The following CIPC variants were observed in gnomAD, a reference collection of about 807,000 sequenced individuals.
The protein encoded by CIPC is CLOCK-interacting pacemaker.
Under a neutral mutation model 26.7 loss-of-function variants are expected in CIPC, and 12 were observed. The observed-to-expected ratio is 0.45, with a 90% CI of 0.29 to 0.73. The LOEUF is 0.73. CIPC is among the 30% of genes least tolerant of loss of function. The pLI, the probability that CIPC is intolerant of heterozygous loss-of-function variation, is 0.12. For synonymous variants in CIPC, 170 were observed against 189.8 expected, an observed-to-expected ratio of 0.90 and a Z score of 0.86; for missense variants, 417 against 486.5, an observed-to-expected ratio of 0.86 and a Z score of 1.34.
intron 1 of CIPC, among the ~76,000 whole-genome samples, chr14:77,103,431 A>G (rs2140026925): frequency 6.6e-6 from 1 of 152,314 alleles, no homozygotes; most frequent in South Asian, 2.1e-4. Flanking sequence ...GAACAACAGG[A>G]TAGAGTCAGG....
intron 1 of CIPC, among the ~76,000 whole-genome samples, chr14:77,105,233 G>C (rs905943726): frequency 2.6e-5 from 4 of 152,174 alleles, no homozygotes; most frequent in Admixed American, 2.6e-4. Flanking sequence ...AAGCCTTGCG[G>C]TGTCTCTTTT....
chr14:77,098,687 T>A (rs928720897), intron 1 of CIPC: 1 of 151,856 alleles, frequency 6.6e-6, no homozygotes. Flanking sequence ...GAGCTTGGAG[T>A]CCAGCCCGGC....
In CIPC at chr14:77,115,651, ATTATC is replaced by A. The variant is rs543309118; in HGVS notation, c.*1337_*1341del. On this transcript the variant is annotated 3_prime_UTR_variant, in exon 4 of 4. Coordinates refer to ENST00000361786, the MANE Select transcript of CIPC (RefSeq NM_033426.3). ...CTTGAAAATCTTTGTTCTTTACAAA[ATTATC>A]TTAATAAGTTCTATATGGTCAGCTT... The A allele has an allele frequency of 3.3e-5, 5 of 150,852 alleles. No individual in the cohort carries two copies. The South Asian group carries it at 8.4e-4, about 25-fold the overall frequency. 9.3% of individuals were successfully genotyped at this position (150,852 alleles called of 1,614,324 possible). A position where few individuals can be genotyped will look rare whatever the true frequency, so the allele number is the denominator to read the frequency against.
rs915393245 is a variant in CIPC at position 77,116,180 on chromosome 14, A to T, written c.*1862A>T. 2.6e-4 allele frequency: 40 copies of T among 152,228 alleles called. No homozygotes were observed. The highest frequency in any genetic ancestry group is 9.4e-4 in the African/African-American group (39 of 41,460). 9.4% of individuals were successfully genotyped at this position (152,228 alleles called of 1,614,324 possible). A position where few individuals can be genotyped will look rare whatever the true frequency, so the allele number is the denominator to read the frequency against. On this transcript the variant is annotated 3_prime_UTR_variant, in exon 4 of 4. Coordinates refer to ENST00000361786, the MANE Select transcript of CIPC (RefSeq NM_033426.3). ...TTGGTAACATCCCTAGACTCCACTC[A>T]TGAACGCAGAATTATTACCTGCTGT... is the stretch of plus-strand genomic sequence containing the variant.
chr14:77,108,353 A>G (rs1184997297), intron 2 of CIPC, among the ~76,000 whole-genome samples: 3 of 152,204 alleles, frequency 2.0e-5, no homozygotes, highest in Admixed American at 2.0e-4. Context: ...CAGAGTTAGC[A>G]TCCATTGATG....
rs1594824122 is a variant in CIPC at position 77,115,872 on chromosome 14, A to C, written c.*1554A>C. The C allele has an allele frequency of 6.6e-6, 1 of 151,900 alleles. No homozygotes were observed. Among genetic ancestry groups the C allele is most frequent in the Non-Finnish European group, 1.5e-5 (1 of 67,922 alleles). The allele number at this position is 151,900 out of a possible 1,614,324, so 9.4% of individuals were successfully genotyped here. On this transcript the variant is annotated 3_prime_UTR_variant, in exon 4 of 4. Coordinates refer to ENST00000361786, the MANE Select transcript of CIPC (RefSeq NM_033426.3). Reference sequence around the variant, plus strand: ...AGCTAATTTTTGTATTTTTAGTAGAAATGGGGTTTTACCGTGTTGGCCAGG... The same window carrying C: ...AGCTAATTTTTGTATTTTTAGTAGACATGGGGTTTTACCGTGTTGGCCAGG...
At chr14:77,107,311 G>A (rs1886609200) in intron 2 of CIPC, among the ~76,000 whole-genome samples, 1 of 152,154 alleles carries the variant, frequency 6.6e-6, no homozygotes, top group African/African-American at 2.4e-5. Flanking sequence ...TGTCAGGCCA[G>A]TTGTTTTAAG....
chr14:77,099,620 T>G (rs988307313), intron 1 of CIPC, among the ~76,000 whole-genome samples: 3 of 152,268 alleles, frequency 2.0e-5, no homozygotes, highest in African/African-American at 7.2e-5. Flanking sequence ...CTCACACTTC[T>G]GTCCAGGCAC....
Position 77,114,401 on chromosome 14 carries a change from A to G in CIPC, c.*83A>G, listed in dbSNP as rs1886768144. 5.0e-6 allele frequency: 7 copies of G among 1,399,184 alleles called. No individual in the cohort carries two copies. In the South Asian group the frequency reaches 9.8e-5, roughly 20 times the overall value. 86.7% of individuals were successfully genotyped at this position (1,399,184 alleles called of 1,614,324 possible). A position where few individuals can be genotyped will look rare whatever the true frequency, so the allele number is the denominator to read the frequency against. ...TACTCCTGTTTCCCAAAGCTTATGTAAGAGCTTTTCCTTCTAAACTTAAAC... is the reference window on the plus strand; with the variant it reads ...TACTCCTGTTTCCCAAAGCTTATGTGAGAGCTTTTCCTTCTAAACTTAAAC... On this transcript the variant is annotated 3_prime_UTR_variant, in exon 4 of 4. Coordinates refer to ENST00000361786, the MANE Select transcript of CIPC (RefSeq NM_033426.3).
At chr14:77,113,404 G>T in intron 3 of CIPC, 21 bp from the exon 4 acceptor site, 1 of 1,613,482 alleles carries the variant, frequency 6.2e-7, no homozygotes, top group Non-Finnish European at 8.5e-7. Context: ...GTAGTGTGCT[G>T]CTCTCCTCCT....
In CIPC at chr14:77,105,637, T is replaced by C; in HGVS notation, c.-52-20T>C. ...TTCAGCTCTCCAGGCAGTGACTTCT[T>C]ATATAATTGTTTTTCATAGGGCAGT... On this transcript the variant is annotated intron_variant, in intron 1 of 3. Transcript: ENST00000361786. The C allele has an allele frequency of 1.3e-6, 2 of 1,519,332 alleles. No individual in the cohort carries two copies. The highest frequency in any genetic ancestry group is 1.8e-6 in the Non-Finnish European group (2 of 1,120,468). 94.1% of individuals were successfully genotyped at this position (1,519,332 alleles called of 1,614,324 possible). A position where few individuals can be genotyped will look rare whatever the true frequency, so the allele number is the denominator to read the frequency against.
chr14:77,100,882 A>G (rs1473437037), intron 1 of CIPC, among the ~76,000 whole-genome samples: 1 of 152,116 alleles, frequency 6.6e-6, no homozygotes, highest in Non-Finnish European at 1.5e-5. Flanking sequence ...TTCACTTTCC[A>G]TTATGAGTTT....
chr14:77,100,361 C>T (rs1886456741), intron 1 of CIPC, among the ~76,000 whole-genome samples: 1 of 150,964 alleles, frequency 6.6e-6, no homozygotes, highest in African/African-American at 2.4e-5. Context: ...CGTGCCTCAG[C>T]CTCTTGAGAA....
chr14:77,104,156 G>A (rs977674077), intron 1 of CIPC, among the ~76,000 whole-genome samples: 10 of 152,154 alleles, frequency 6.6e-5, no homozygotes, highest in Admixed American at 6.5e-5. Flanking sequence ...AGCCAAGCCC[G>A]TGGTGGAAGG....
At position 77,114,461 on chromosome 14, in the gene CIPC, T is replaced by C. The variant is rs1886769442; in HGVS notation, c.*143T>C. ...GTTCACTTAGGAAGCCACGTGCCAATACCTGGCTGCTGTCTTAACTCGTAG... is the reference window on the plus strand; with the variant it reads ...GTTCACTTAGGAAGCCACGTGCCAACACCTGGCTGCTGTCTTAACTCGTAG... On this transcript the variant is annotated 3_prime_UTR_variant, in exon 4 of 4. Transcript: ENST00000361786. 2.4e-6 allele frequency: 2 copies of C among 816,388 alleles called. No individual in the cohort carries two copies. Among genetic ancestry groups the C allele is most frequent in the Non-Finnish European group, 3.9e-6 (2 of 517,016 alleles). 50.6% of individuals were successfully genotyped at this position (816,388 alleles called of 1,614,324 possible). A position where few individuals can be genotyped will look rare whatever the true frequency, so the allele number is the denominator to read the frequency against.
chr14:77,110,296 T>A (rs1405931758), intron 3 of CIPC, among the ~76,000 whole-genome samples: 1 of 152,110 alleles, frequency 6.6e-6, no homozygotes, highest in Admixed American at 6.6e-5. Flanking sequence ...TGGCATCACT[T>A]CAATGGTGCA....
intron 3 of CIPC, among the ~76,000 whole-genome samples, chr14:77,110,939 C>G (rs1185312843): frequency 1.3e-5 from 2 of 152,146 alleles, no homozygotes; most frequent in African/African-American, 4.8e-5. Context: ...ATGAGGAACA[C>G]AAACTGATTT....
intron 1 of CIPC, among the ~76,000 whole-genome samples, chr14:77,101,711 C>A (rs1372742951): frequency 6.6e-6 from 1 of 152,108 alleles, no homozygotes; most frequent in Non-Finnish European, 1.5e-5. Context: ...TGAAGCCTCC[C>A]AAACTCAGGG....
At chr14:77,111,102 C>T (rs1886690735) in intron 3 of CIPC, among the ~76,000 whole-genome samples, 2 of 152,220 alleles carry the variant, frequency 1.3e-5, no homozygotes, top group Admixed American at 6.5e-5. Flanking sequence ...CCGGCCCCAC[C>T]AGTGCTGCCA....
Sources: gnomAD v4.1 joint callset for allele counts (sites outside exome capture counted in the v4.1 genomes callset) on GRCh38, gnomAD v4.1.1 for gene constraint, MANE v1.5 for transcripts, NCBI Gene and HGNC (gene_info 2026-07-23, HGNC 2026-07-21) for gene names.